Variants in ZNF875 observed in about 807,000 individuals in gnomAD.
ZNF875 encodes zinc finger protein 875, also known as HKR1, GLI-Kruppel zinc finger family member.
In ZNF875, 14 loss-of-function variants were observed where a neutral mutation model predicts 11.2. That is an observed-to-expected ratio of 1.26 (90% CI 0.83 to 1.96). The LOEUF is 1.96. ZNF875 is among the 30% of genes most tolerant of loss of function. ZNF875 has a pLI of 0.00. For synonymous variants in ZNF875, 301 were observed against 281.1 expected (o/e 1.07, Z -0.71); for missense variants, 752 against 760.4 (o/e 0.99, Z 0.13).
chr19:37,344,980 C>G, intron 2 of ZNF875: 1 of 529,090 alleles, frequency 1.9e-6, no homozygotes, highest in Admixed American at 2.9e-5. Context: ...ACCAGGAAGC[C>G]TTGTACATTG....
chr19:37,341,753 G>A (rs2035769641), intron 2 of ZNF875, among the ~76,000 whole-genome samples: 1 of 152,152 alleles, frequency 6.6e-6, no homozygotes. Context: ...TATCTTATGT[G>A]TAACAGTCTG....
Position 37,363,587 on chromosome 19 carries a change from CAG to C in ZNF875, c.1740_1741del (p.Arg580SerfsTer18). 1 of 1,613,812 alleles carries C rather than the reference CAG, an allele frequency of 6.2e-7. No homozygotes were observed. The highest frequency in any genetic ancestry group is 1.1e-5 in the South Asian group (1 of 91,054). On this transcript the variant is annotated frameshift_variant, in exon 5 of 5. Coordinates refer to ENST00000392153, the MANE Select transcript of ZNF875 (RefSeq NM_001353803.2). LOFTEE classifies it low-confidence loss of function (END_TRUNC). ...FCAKLTLIKH[Q>X]RAHAGGKPHV... ...TGCTAAGTTAACTCTCATTAAACACCAGAGAGCACACGCAGGGGGGAAGCCTC... is the reference window on the plus strand; with the variant it reads ...TGCTAAGTTAACTCTCATTAAACACCAGAGCACACGCAGGGGGGAAGCCTC...
intron 2 of ZNF875, chr19:37,337,384 A>C (rs911864438): frequency 1.3e-5 from 2 of 152,222 alleles, no homozygotes; most frequent in Non-Finnish European, 2.9e-5. Context: ...GATGTTAAGA[A>C]GGGACTTGAC....
chr19:37,363,169 A>C lies in ZNF875; in HGVS notation c.1317A>C (p.Thr439=). The part of the protein sequence containing the change: ...RHFSWKSNLK[T]HQRTHSGVKP... ...TTAGCTGGAAATCAAACCTCAAAAC[A>C]CACCAGAGGACACACTCAGGGGTTA... The change falls in exon 5 of 5, where the codon ACA becomes ACC. Residue 439 remains threonine (T), a synonymous_variant. Coordinates refer to ENST00000392153, the MANE Select transcript of ZNF875 (RefSeq NM_001353803.2). 1.9e-6 allele frequency: 3 copies of C among 1,613,830 alleles called. No individual in the cohort carries two copies. Among genetic ancestry groups the C allele is most frequent in the Non-Finnish European group, 1.7e-6 (2 of 1,179,950 alleles).
At chr19:37,336,424 T>G (rs977840905) in intron 2 of ZNF875, among the ~76,000 whole-genome samples, 1 of 150,776 alleles carries the variant, frequency 6.6e-6, no homozygotes, top group East Asian at 2.0e-4. Flanking sequence ...CTCAGCCTCC[T>G]GAGTAGCTGG....
upstream of ZNF875, chr19:37,334,636 T>G (rs2033899465): frequency 2.2e-6 from 1 of 455,508 alleles, no homozygotes; most frequent in Non-Finnish European, 4.4e-6. Flanking sequence ...TGTGTAGCGT[T>G]GACGTCAGAA....
intron 2 of ZNF875, among the ~76,000 whole-genome samples, chr19:37,336,529 GACC>G (rs2034464473): frequency 6.6e-6 from 1 of 150,562 alleles, no homozygotes; most frequent in African/African-American, 2.4e-5. Context: ...TCGATCTCCT[GACC>G]TCATGATCCA....
At chr19:37,318,432 TTTG>T (rs2030508339) in intron 1 of ZNF875, among the ~76,000 whole-genome samples, 2 of 152,240 alleles carry the variant, frequency 1.3e-5, no homozygotes, top group East Asian at 1.9e-4. Context: ...AAAATGGCAT[TTTG>T]TTGTTGTTGC....
intron 4 of ZNF875, among the ~76,000 whole-genome samples, chr19:37,352,653 G>A (rs1313912035): frequency 6.6e-6 from 1 of 152,072 alleles, no homozygotes; most frequent in Non-Finnish European, 1.5e-5. Context: ...CTTATAGACA[G>A]CATATAGTTG....
At position 37,362,884 on chromosome 19, in the gene ZNF875, G is replaced by T; in HGVS notation, c.1032G>T (p.Gly344=). 6.2e-7 allele frequency: 1 copy of T among 1,613,944 alleles called. No individual in the cohort carries two copies. Among genetic ancestry groups the T allele is most frequent in the Non-Finnish European group, 8.5e-7 (1 of 1,179,986 alleles). Residue 344 remains glycine, a synonymous_variant, in exon 5 of 5, where the codon GGG becomes GGT. Coordinates refer to ENST00000392153, the MANE Select transcript of ZNF875 (RefSeq NM_001353803.2). ...GLKPYVCKEC[G]QSFSLKSNLI... The stretch of plus-strand genomic sequence containing the variant: ...AGCCTTATGTGTGCAAGGAATGTGG[G>T]CAGAGCTTTAGCCTGAAGTCAAACC...
intron 4 of ZNF875, among the ~76,000 whole-genome samples, chr19:37,355,965 A>G (rs935357124): frequency 5.3e-5 from 8 of 152,080 alleles, no homozygotes; most frequent in African/African-American, 2.4e-5. Context: ...CCCAGTGTCT[A>G]TTATTTCCAT....
chr19:37,340,156 AT>A (rs1465294254), intron 2 of ZNF875, among the ~76,000 whole-genome samples: 1 of 151,664 alleles, frequency 6.6e-6, no homozygotes, highest in Non-Finnish European at 1.5e-5. Flanking sequence ...TTCATTTTGT[AT>A]TTTTAGTAGA....
At chr19:37,356,652 T>C (rs1418443383) in intron 4 of ZNF875, among the ~76,000 whole-genome samples, 1 of 152,184 alleles carries the variant, frequency 6.6e-6, no homozygotes, top group African/African-American at 2.4e-5. Context: ...TTATGTCCTT[T>C]GCTCACTTTT....
In ZNF875 at chr19:37,362,374, A is replaced by G; in HGVS notation, c.522A>G (p.Ser174=). The part of the protein sequence containing the change: ...LFGRVSKNGT[S]KALSSPPEEQ... ...GGAGAGTAAGCAAAAATGGCACTTC[A>G]AAGGCACTTTCCAGCCCACCTGAAG... is the stretch of plus-strand genomic sequence containing the variant. The change falls in exon 5 of 5, where the codon TCA becomes TCG. Residue 174 remains serine (S), a synonymous_variant. Transcript: ENST00000392153. The G allele has an allele frequency of 6.2e-7, 1 of 1,614,168 alleles. No homozygotes were observed. Among genetic ancestry groups the G allele is most frequent in the Middle Eastern group, 1.6e-4 (1 of 6,062 alleles).
At chr19:37,313,874 C>G (rs2030068083), upstream of ZNF875, among the ~76,000 whole-genome samples, 1 of 152,040 alleles carries the variant, frequency 6.6e-6, no homozygotes, top group African/African-American at 2.4e-5. Flanking sequence ...AGGCCTTACT[C>G]CAGGCAGTGT....
At chr19:37,356,299 T>C (rs1285689026) in intron 4 of ZNF875, among the ~76,000 whole-genome samples, 1 of 152,200 alleles carries the variant, frequency 6.6e-6, no homozygotes, top group Non-Finnish European at 1.5e-5. Flanking sequence ...ATTGTTGGAT[T>C]GAATGGTAGT....
At chr19:37,331,590 A>G (rs894011324), upstream of ZNF875, among the ~76,000 whole-genome samples, 2 of 148,210 alleles carry the variant, frequency 1.3e-5, no homozygotes, top group Non-Finnish European at 3.0e-5. Context: ...GGGCGGTGCA[A>G]GATGTGCTTT....
In ZNF875 at chr19:37,362,599, T is replaced by C. The variant is rs761307891; in HGVS notation, c.747T>C (p.Thr249=). The part of the protein sequence containing the change: ...SNLLSLQKTQ[T]GETPYMYTEW... The stretch of plus-strand genomic sequence containing the variant: ...TCCTTAGCCTCCAGAAGACACAAAC[T>C]GGGGAGACACCTTACATGTACACTG... The change falls in exon 5 of 5, where the codon ACT becomes ACC. Residue 249 remains threonine (T), a synonymous_variant. Coordinates refer to ENST00000392153, the MANE Select transcript of ZNF875 (RefSeq NM_001353803.2). 6.2e-7 allele frequency: 1 copy of C among 1,614,054 alleles called. No homozygotes were observed. The highest frequency in any genetic ancestry group is 8.5e-7 in the Non-Finnish European group (1 of 1,179,980).
At chr19:37,326,338 C>G (rs1210071712) in intron 4 of ZNF875, among the ~76,000 whole-genome samples, 2 of 152,164 alleles carry the variant, frequency 1.3e-5, no homozygotes, top group Non-Finnish European at 2.9e-5. Flanking sequence ...TTATTCCCAT[C>G]TACCCCACAC....
Sources: allele counts gnomAD v4.1 joint callset (sites outside exome capture counted in the v4.1 genomes callset), GRCh38; gene constraint gnomAD v4.1.1; transcripts MANE v1.5; gene names NCBI Gene and HGNC (gene_info 2026-07-23, HGNC 2026-07-21).